The following VPS52 variants were observed in gnomAD, a reference collection of about 807,000 sequenced individuals.
VPS52 encodes the protein VPS52 subunit of GARP complex.
Under a neutral mutation model 98.7 loss-of-function variants are expected in VPS52, and 56 were observed. The ratio of observed to expected loss-of-function variants is 0.57; its 90% CI spans 0.46 to 0.71. VPS52 has a LOEUF of 0.71. Among genes scored for constraint, VPS52 ranks in the 30% least tolerant of loss-of-function variants. The probability of loss-of-function intolerance (pLI) is 0.00; values close to 1 mark genes in which losing one functional copy is unlikely to be tolerated. For missense variants in VPS52, 742 were observed against 925.9 expected (o/e 0.80, Z 2.58); for synonymous variants, 348 against 346.4 (o/e 1.00, Z -0.05).
Position 33,269,044 on chromosome 6 carries a change from T to A in VPS52, c.518A>T (p.Asp173Val), listed in dbSNP as rs886534289. The A allele has an allele frequency of 6.2e-7, 1 of 1,612,620 alleles. No homozygotes were observed. The highest frequency in any genetic ancestry group is 1.3e-5 in the African/African-American group (1 of 75,034). ...CAGAGCAGAAGGCACCACCAGACCATCAACAAGCTCCCCAAGTTTCCCCCG... is the reference window on the plus strand; with the variant it reads ...CAGAGCAGAAGGCACCACCAGACCAACAACAAGCTCCCCAAGTTTCCCCCG... ...AVRGKLGELV[D>V]GLVVPSALVT... Residue 173 changes from aspartate to valine, a missense_variant, in exon 6 of 20, where the codon GAT becomes GTT. By Grantham distance (152) the Asp-to-Val change is radical. Coordinates refer to ENST00000445902, the MANE Select transcript of VPS52 (RefSeq NM_022553.6).
upstream of VPS52, chr6:33,271,947 G>A: frequency 2.8e-6 from 3 of 1,052,886 alleles, no homozygotes; most frequent in Non-Finnish European, 4.1e-6. Flanking sequence ...ACCGGAAGTT[G>A]TGGTACCCAA....
chr6:33,263,892 A>C lies in VPS52; in HGVS notation c.1621-13T>G. 1 of 1,614,208 alleles carries C rather than the reference A, an allele frequency of 6.2e-7. No individual in the cohort carries two copies. The highest frequency in any genetic ancestry group is 1.1e-5 in the South Asian group (1 of 91,086). ...TCTCCACCTCCACCTGAAAAGGCAG[A>C]GAGGAAGAGGTGACACCAGAAAGCA... On this transcript the variant is annotated splice_polypyrimidine_tract_variant and intron_variant, in intron 15 of 19. Transcript: ENST00000445902.
rs142124369 is a variant in VPS52 at position 33,263,414 on chromosome 6, C to CACACACACACACACAGAG, written c.1794+69_1794+70insCTCTGTGTGTGTGTGTGT. On this transcript the variant is annotated intron_variant, in intron 17 of 19. Coordinates refer to ENST00000445902, the MANE Select transcript of VPS52 (RefSeq NM_022553.6). The stretch of plus-strand genomic sequence containing the variant: ...ACACACACACACACACACACACACA[C>CACACACACACACACAGAG]AGAGAGAGAGAGAGAGAGAGCTGAA... 6,765 of 971,340 alleles carry CACACACACACACACAGAG rather than the reference C, an allele frequency of 7.0e-3. 167 individuals are homozygous for CACACACACACACACAGAG. The highest frequency in any genetic ancestry group is 0.069 in the African/African-American group (3,522 of 51,228). 60.2% of individuals were successfully genotyped at this position (971,340 alleles called of 1,614,324 possible).
At position 33,267,480 on chromosome 6, in the gene VPS52, C is replaced by G; in HGVS notation, c.992-159G>C. On this transcript the variant is annotated intron_variant, in intron 10 of 19. Coordinates refer to ENST00000445902, the MANE Select transcript of VPS52 (RefSeq NM_022553.6). The surrounding 1 kb of genome is among the most constrained non-coding windows in gnomAD (Gnocchi z 4.2). Reference sequence around the variant, plus strand: ...CATCTGTGAATGGGCTTCAGGGTGTCTCTCCCTCCCTTGCAATCATATGCA... The same window carrying G: ...CATCTGTGAATGGGCTTCAGGGTGTGTCTCCCTCCCTTGCAATCATATGCA... The G allele has an allele frequency of 7.9e-7, 1 of 1,262,290 alleles. No individual in the cohort carries two copies. Among genetic ancestry groups the G allele is most frequent in the South Asian group, 1.5e-5 (1 of 68,216 alleles). The allele number at this position is 1,262,290 out of a possible 1,614,324, so 78.2% of individuals were successfully genotyped here.
At position 33,270,046 on chromosome 6, in the gene VPS52, T is replaced by C. The variant is rs955053641; in HGVS notation, c.181A>G (p.Ile61Val). 6.2e-7 allele frequency: 1 copy of C among 1,614,108 alleles called. No homozygotes were observed. The highest frequency in any genetic ancestry group is 1.3e-5 in the African/African-American group (1 of 74,940). Residue 61 changes from isoleucine (I) to valine (V), a missense_variant, in exon 3 of 20, where the codon ATT becomes GTT. Coordinates refer to ENST00000445902, the MANE Select transcript of VPS52 (RefSeq NM_022553.6). Reference protein sequence around the residue: ...EFILDEVDVHIQANLEDELVK... With the variant: ...EFILDEVDVHVQANLEDELVK... Reference sequence around the variant, plus strand: ...AACTCATCCTCCAGATTTGCCTGAATGTGAACTGGAAATAGAAGTTTATCA... The same window carrying C: ...AACTCATCCTCCAGATTTGCCTGAACGTGAACTGGAAATAGAAGTTTATCA...
At position 33,251,872 on chromosome 6, in the gene VPS52, G is replaced by A. The variant is rs756974015; in HGVS notation, c.1894C>T (p.Arg632Ter). 3 of 1,613,110 alleles carry A rather than the reference G, an allele frequency of 1.9e-6. No individual in the cohort carries two copies. The highest frequency in any genetic ancestry group is 2.2e-5 in the East Asian group (1 of 44,882). The change falls in exon 18 of 20, where the codon CGA becomes TGA. Residue 632 changes from arginine (R) to a stop codon, truncating the protein, a stop_gained. Transcript: ENST00000445902. LOFTEE classifies it high-confidence loss of function. ...ATTTTCCTCATACCTTCTTCCCCTC[G>A]AAGTCGCTCAGCCTGTCCACGCTCA... ...LIERGQAERLRGEEARVTQLI... is the reference protein window; with the variant it reads ...LIERGQAERL
chr6:33,254,612 C>T (rs1423828368), intron 17 of VPS52: 2 of 152,012 alleles, frequency 1.3e-5, no homozygotes, highest in African/African-American at 4.8e-5. Flanking sequence ...GTGTTGTAAG[C>T]ATGATATATA....
rs147664765 is a variant in VPS52, at chr6:33,254,417, G to A, written c.1795-2446C>T. On this transcript the variant is annotated intron_variant, in intron 17 of 19. Coordinates refer to ENST00000445902, the MANE Select transcript of VPS52 (RefSeq NM_022553.6). ...TCTATAATCAAGGCATCTTTGTGAT[G>A]TGATTTTGGACAGAGATTAAATAAC... 2.8e-4 allele frequency among the ~76,000 whole-genome samples: 43 copies of A among 152,288 alleles called. No homozygotes were observed. The East Asian group carries it at 7.1e-3, about 25-fold the overall frequency.
Position 33,268,957 on chromosome 6 carries a change from T to A in VPS52, c.548+57A>T. 6.3e-7 allele frequency: 1 copy of A among 1,584,496 alleles called. No individual in the cohort carries two copies. The highest frequency in any genetic ancestry group is 8.6e-7 in the Non-Finnish European group (1 of 1,163,950). On this transcript the variant is annotated intron_variant, in intron 6 of 19. Transcript: ENST00000445902. This position sits in a 1 kb window ranked among gnomAD's most constrained non-coding sequence, Gnocchi z 4.0. The stretch of plus-strand genomic sequence containing the variant: ...AGACCCATATGGTAAATAGGGTGGG[T>A]CACCCCAGCCCATCCACCTGCTATG...
chr6:33,252,259 C>T (rs531208087), intron 17 of VPS52, among the ~76,000 whole-genome samples: 4 of 152,136 alleles, frequency 2.6e-5, no homozygotes, highest in East Asian at 1.9e-4. Flanking sequence ...AAGAACTATC[C>T]GATACGGATA....
chr6:33,271,372 G>A, intron 1 of VPS52: 2 of 731,980 alleles, frequency 2.7e-6, no homozygotes, highest in Non-Finnish European at 4.9e-6. Context: ...CCAAAATGTG[G>A]AGTGAAGTTG....
Position 33,250,666 on chromosome 6 carries a change from G to A in VPS52, c.*175C>T. 2.5e-6 allele frequency: 2 copies of A among 801,864 alleles called. No homozygotes were observed. The highest frequency in any genetic ancestry group is 2.7e-5 in the East Asian group (1 of 37,052). 49.7% of individuals were successfully genotyped at this position (801,864 alleles called of 1,614,324 possible). On this transcript the variant is annotated 3_prime_UTR_variant, in exon 20 of 20. Coordinates refer to ENST00000445902, the MANE Select transcript of VPS52 (RefSeq NM_022553.6). ...ACACTGGGATATTCAGAAGGCCAAG[G>A]GGATCCAGCTTATCCTGTTGGGCAA...
At chr6:33,263,696 G>A in intron 16 of VPS52, 76 bp downstream of exon 16, 4 of 1,581,960 alleles carry the variant, frequency 2.5e-6, no homozygotes, top group Non-Finnish European at 3.5e-6. Flanking sequence ...CATCATCTCT[G>A]CCCTCACAGA....
chr6:33,259,751 T>C (rs1344488963), intron 17 of VPS52, among the ~76,000 whole-genome samples: 1 of 151,996 alleles, frequency 6.6e-6, no homozygotes, highest in Non-Finnish European at 1.5e-5. Context: ...CGAGCATCTT[T>C]AGCAGCATCC....
chr6:33,262,569 C>A (rs1447002654), intron 17 of VPS52, among the ~76,000 whole-genome samples: 5 of 152,188 alleles, frequency 3.3e-5, no homozygotes, highest in Non-Finnish European at 7.3e-5. Context: ...TATTTGCACT[C>A]CCATGTTTGT....
chr6:33,270,569 ATTGT>A (rs1212338223), intron 1 of VPS52, among the ~76,000 whole-genome samples: 3 of 152,246 alleles, frequency 2.0e-5, no homozygotes, highest in South Asian at 2.1e-4. Flanking sequence ...AGACGGGAAG[ATTGT>A]TTGAGGAGAT....
At chr6:33,254,553 G>C (rs1762703992) in intron 17 of VPS52, 1 of 152,154 alleles carries the variant, frequency 6.6e-6, no homozygotes, top group African/African-American at 2.4e-5. Context: ...AAGAAAAGTT[G>C]AACTAACAGT....
intron 17 of VPS52, among the ~76,000 whole-genome samples, chr6:33,255,439 C>T (rs909526641): frequency 6.3e-5 from 9 of 142,932 alleles, no homozygotes; most frequent in Non-Finnish European, 1.2e-4. Flanking sequence ...GCTAGAACTA[C>T]AAATGCATGC....
At chr6:33,264,541 TG>T in intron 13 of VPS52, 44 bp from the exon 14 acceptor site, 2 of 1,611,308 alleles carry the variant, frequency 1.2e-6, no homozygotes, top group Non-Finnish European at 1.7e-6. Context: ...CAAGGAATGT[TG>T]GAGGGGGATG....
Sources: allele counts gnomAD v4.1 joint callset (sites outside exome capture counted in the v4.1 genomes callset), GRCh38; gene constraint gnomAD v4.1.1; non-coding constraint Gnocchi (gnomAD v3.1); transcripts MANE v1.5; gene names NCBI Gene and HGNC (gene_info 2026-07-23, HGNC 2026-07-21).